Variants in KIAA1217 observed in about 807,000 individuals in gnomAD.
KIAA1217 encodes the protein sickle tail protein homolog.
Under a neutral mutation model 163.9 loss-of-function variants are expected in KIAA1217, and 88 were observed. The observed-to-expected ratio is 0.54, with a 90% confidence interval of 0.45 to 0.64. The LOEUF (loss-of-function observed/expected upper bound fraction) is 0.64. Ranked by LOEUF, KIAA1217 falls within the 30% of genes least tolerant of loss-of-function variation. KIAA1217 has a pLI of 0.00. For synonymous variants in KIAA1217, 903 were observed against 923.1 expected (o/e 0.98, Z 0.39); for missense variants, 2,372 against 2,475.0 (o/e 0.96, Z 0.88).
intron 1 of KIAA1217, among the ~76,000 whole-genome samples, chr10:23,713,527 T>C (rs1337690984): frequency 6.6e-6 from 1 of 152,130 alleles, no homozygotes; most frequent in Non-Finnish European, 1.5e-5. Context: ...TAATTTAAAT[T>C]GTGTTGACCA....
At chr10:23,719,968 T>C (rs6482320) in intron 1 of KIAA1217, among the ~76,000 whole-genome samples, 10,149 of 152,078 alleles carry the variant, frequency 0.067, 1,148 homozygotes, top group African/African-American at 0.23. Context: ...ATGTTCAGAA[T>C]AGTTTAATAC....
chr10:24,281,627 G>A (rs532909895), intron 2 of KIAA1217, among the ~76,000 whole-genome samples: 3 of 152,148 alleles, frequency 2.0e-5, no homozygotes, highest in East Asian at 3.8e-4. Context: ...AGGAGTACTG[G>A]TGAGTTATTT....
At chr10:24,115,794 G>T (rs1364311173) in intron 2 of KIAA1217, among the ~76,000 whole-genome samples, 4 of 152,222 alleles carry the variant, frequency 2.6e-5, no homozygotes, top group African/African-American at 9.6e-5. Flanking sequence ...GAACTGGGGA[G>T]GTTCCTGGAT....
chr10:23,917,495 G>A (rs1368752664), intron 1 of KIAA1217, among the ~76,000 whole-genome samples: 1 of 152,346 alleles, frequency 6.6e-6, no homozygotes, highest in African/African-American at 2.4e-5. Flanking sequence ...CTGGACTGAT[G>A]TGGGAGCAGC....
chr10:24,102,668 ATG>A (rs1445232387), intron 2 of KIAA1217, among the ~76,000 whole-genome samples: 2 of 152,254 alleles, frequency 1.3e-5, no homozygotes, highest in Non-Finnish European at 1.5e-5. Flanking sequence ...AATCAAGATA[ATG>A]TGGTATTAGT....
At chr10:24,520,882 A>T (rs1025564029) in intron 11 of KIAA1217, among the ~76,000 whole-genome samples, 1 of 149,138 alleles carries the variant, frequency 6.7e-6, no homozygotes, top group East Asian at 2.0e-4. Context: ...AACAAAAAAT[A>T]AAAAATTAAA....
At chr10:24,081,396 C>T (rs866763543) in intron 2 of KIAA1217, among the ~76,000 whole-genome samples, 4 of 152,238 alleles carry the variant, frequency 2.6e-5, no homozygotes, top group Admixed American at 6.6e-5. Context: ...GTGGGGGATA[C>T]GGATGAATGC....
Position 24,449,860 on chromosome 10 carries a change from G to A in KIAA1217, c.846+11381G>A, listed in dbSNP as rs573253627. The A allele has an allele frequency of 7.2e-6, 4 of 552,544 alleles. No individual in the cohort carries two copies. The South Asian group carries it at 2.4e-4, about 33-fold the overall frequency. 34.2% of individuals were successfully genotyped at this position (552,544 alleles called of 1,614,324 possible). A position where few individuals can be genotyped will look rare whatever the true frequency, so the allele number is the denominator to read the frequency against. On this transcript the variant is annotated intron_variant, in intron 5 of 20. Coordinates refer to ENST00000376454, the MANE Select transcript of KIAA1217 (RefSeq NM_019590.5). Reference sequence around the variant, plus strand: ...TCATTAACTTGTCTTCTGTATTCAAGTTCAATGCAATAGGCGATTGCAATT... The same window carrying A: ...TCATTAACTTGTCTTCTGTATTCAAATTCAATGCAATAGGCGATTGCAATT...
intron 2 of KIAA1217, among the ~76,000 whole-genome samples, chr10:24,369,450 C>T (rs1030614849): frequency 6.6e-6 from 1 of 152,074 alleles, no homozygotes; most frequent in African/African-American, 2.4e-5. Context: ...ATCATAAGCT[C>T]TCCCATGGCA....
chr10:24,205,153 T>A (rs1221801169), upstream of KIAA1217, among the ~76,000 whole-genome samples: 1 of 151,978 alleles, frequency 6.6e-6, no homozygotes, highest in Non-Finnish European at 1.5e-5. Context: ...GATTTCTCTG[T>A]TGAAAAACTT....
intron 2 of KIAA1217, among the ~76,000 whole-genome samples, chr10:24,017,400 C>A (rs1469165195): frequency 5.9e-5 from 9 of 152,168 alleles, no homozygotes; most frequent in African/African-American, 1.4e-4. Context: ...GAGCCTTTCA[C>A]TTCAATGTAA....
chr10:24,373,652 A>G (rs940423978), intron 2 of KIAA1217, among the ~76,000 whole-genome samples: 2 of 152,210 alleles, frequency 1.3e-5, no homozygotes, highest in African/African-American at 4.8e-5. Flanking sequence ...GAGTATTTGC[A>G]TAGTGTGGTG....
At chr10:23,734,548 G>A (rs893784287) in intron 1 of KIAA1217, among the ~76,000 whole-genome samples, 2 of 151,898 alleles carry the variant, frequency 1.3e-5, no homozygotes, top group Non-Finnish European at 2.9e-5. Flanking sequence ...CTTGGCCTCC[G>A]AGAATGCTGG....
At chr10:23,718,396 C>T (rs1381747395) in intron 1 of KIAA1217, among the ~76,000 whole-genome samples, 1 of 152,100 alleles carries the variant, frequency 6.6e-6, no homozygotes, top group African/African-American at 2.4e-5. Context: ...GTTTATTAAG[C>T]AAATTTTGTG....
chr10:24,079,810 G>A (rs1464451886), intron 2 of KIAA1217, among the ~76,000 whole-genome samples: 5 of 152,146 alleles, frequency 3.3e-5, no homozygotes, highest in African/African-American at 4.8e-5. Flanking sequence ...CCAAGGCCAC[G>A]CACAACTGAA....
chr10:24,532,669 G>A (rs907966449), intron 15 of KIAA1217, among the ~76,000 whole-genome samples: 11 of 152,124 alleles, frequency 7.2e-5, no homozygotes, highest in African/African-American at 1.4e-4. Context: ...AAAACGGTCC[G>A]ATCTCGTGAG....
At chr10:24,174,753 G>A (rs1382135497) in intron 2 of KIAA1217, among the ~76,000 whole-genome samples, 1 of 152,166 alleles carries the variant, frequency 6.6e-6, no homozygotes, top group Non-Finnish European at 1.5e-5. Context: ...TGGGGGAGCA[G>A]GTGGTCTTTG....
At chr10:24,379,519 T>C (rs1433071066) in intron 2 of KIAA1217, among the ~76,000 whole-genome samples, 5 of 152,188 alleles carry the variant, frequency 3.3e-5, no homozygotes, top group Non-Finnish European at 2.9e-5. Flanking sequence ...ACTGACCTTA[T>C]CCCTGCTTTC....
At chr10:23,949,695 C>A (rs1271011740) in intron 1 of KIAA1217, among the ~76,000 whole-genome samples, 1 of 151,932 alleles carries the variant, frequency 6.6e-6, no homozygotes, top group Non-Finnish European at 1.5e-5. Flanking sequence ...CATGATAATG[C>A]AAGTACTGTG....
Sources: allele counts gnomAD v4.1 joint callset (sites outside exome capture counted in the v4.1 genomes callset), GRCh38; gene constraint gnomAD v4.1.1; transcripts MANE v1.5; gene names NCBI Gene and HGNC (gene_info 2026-07-23, HGNC 2026-07-21).